ARMC3: variants seen among roughly 807,000 people sequenced by gnomAD.
The protein encoded by ARMC3 is armadillo repeat-containing protein 3.
Under a neutral mutation model 90.3 loss-of-function variants are expected in ARMC3, and 74 were observed. That is an observed-to-expected ratio of 0.82 (90% CI 0.68 to 0.99). The LOEUF is 0.99. Among genes scored for constraint, ARMC3 ranks in the 50% least tolerant of loss-of-function variants. The pLI is 0.00. For synonymous variants in ARMC3, 334 were observed against 361.8 expected, an observed-to-expected ratio of 0.92 and a Z score of 0.87; for missense variants, 958 against 1,042.8, an observed-to-expected ratio of 0.92 and a Z score of 1.12.
At chr10:22,962,484 G>A (rs1190147987) in intron 7 of ARMC3, among the ~76,000 whole-genome samples, 1 of 152,140 alleles carries the variant, frequency 6.6e-6, no homozygotes, top group Non-Finnish European at 1.5e-5. Flanking sequence ...GAATGTCTGT[G>A]CCTTCTGGGA....
Position 23,008,837 on chromosome 10 carries a change from G to C in ARMC3, c.1951G>C (p.Ala651Pro). Residue 651 changes from alanine to proline, a missense_variant, in exon 16 of 19, where the codon GCT becomes CCT. Coordinates refer to ENST00000298032, the MANE Select transcript of ARMC3 (RefSeq NM_173081.5). The stretch of plus-strand genomic sequence containing the variant: ...AAGAAAAAATAGTTATCATTTTAGT[G>C]CTGGATTTGGATCTCCCATAGAAGA... The part of the protein sequence containing the change: ...KNKKNSYHFS[A>P]GFGSPIEDKS... 6.2e-7 allele frequency: 1 copy of C among 1,612,660 alleles called. No individual in the cohort carries two copies. The highest frequency in any genetic ancestry group is 2.2e-5 in the East Asian group (1 of 44,832).
chr10:22,979,315 A>G (rs1491002185), intron 8 of ARMC3, among the ~76,000 whole-genome samples: 1 of 152,196 alleles, frequency 6.6e-6, no homozygotes, highest in Admixed American at 6.5e-5. Context: ...CAAGGAAAGT[A>G]TTTGGTTAAT....
chr10:23,013,112 T>G (rs1838097285), intron 16 of ARMC3, among the ~76,000 whole-genome samples: 1 of 152,078 alleles, frequency 6.6e-6, no homozygotes, highest in Non-Finnish European at 1.5e-5. Context: ...CTGGCCAGAG[T>G]GGTCTCAAAC....
intron 3 of ARMC3, chr10:22,946,680 A>G (rs1238634272): frequency 1.3e-5 from 2 of 152,812 alleles, no homozygotes; most frequent in African/African-American, 2.5e-5. Context: ...CAAATCTCCT[A>G]TGCAGAAGAA....
At chr10:22,960,132 AC>A in intron 6 of ARMC3, 1 of 249,492 alleles carries the variant, frequency 4.0e-6, no homozygotes. Context: ...TTGCACCCCA[AC>A]CCCCAGAATA....
chr10:23,033,028 G>A lies in ARMC3; in HGVS notation c.2409+5G>A. On this transcript the variant is annotated splice_donor_5th_base_variant and intron_variant, in intron 18 of 18. Transcript: ENST00000298032. ...CATCGAGCTTTGCTTTTCAAGGTGTGTAAGGTATTTTGCCTCATTTGCCAT... is the reference window on the plus strand; with the variant it reads ...CATCGAGCTTTGCTTTTCAAGGTGTATAAGGTATTTTGCCTCATTTGCCAT... The A allele has an allele frequency of 1.2e-6, 2 of 1,611,556 alleles. No individual in the cohort carries two copies. Among genetic ancestry groups the A allele is most frequent in the East Asian group, 2.2e-5 (1 of 44,742 alleles).
Position 23,003,382 on chromosome 10 carries a change from A to G in ARMC3, c.1699A>G (p.Ile567Val), listed in dbSNP as rs772157632. ...SQTGYLSSSN[I>V]INDGFYDYGR... is the part of the protein sequence containing the mutation. Reference sequence around the variant, plus strand: ...GACTGGCTATTTGTCATCAAGTAACATAATTAACGATGGATTCTATGATTA... The same window carrying G: ...GACTGGCTATTTGTCATCAAGTAACGTAATTAACGATGGATTCTATGATTA... The change falls in exon 13 of 19, where the codon ATA (isoleucine) becomes GTA (valine). Residue 567 changes from isoleucine to valine, a missense_variant. Transcript: ENST00000298032. 4 of 1,611,218 alleles carry G rather than the reference A, an allele frequency of 2.5e-6. No homozygotes were observed. Among genetic ancestry groups the G allele is most frequent in the East Asian group, 4.5e-5 (2 of 44,788 alleles).
chr10:23,000,893 G>C (rs557009457), intron 11 of ARMC3, among the ~76,000 whole-genome samples: 4 of 152,214 alleles, frequency 2.6e-5, no homozygotes, highest in Admixed American at 2.6e-4. Flanking sequence ...TTACATTTCA[G>C]ACATGAGACA....
intron 3 of ARMC3, among the ~76,000 whole-genome samples, chr10:22,953,917 A>G (rs929660952): frequency 1.3e-5 from 2 of 152,216 alleles, no homozygotes; most frequent in African/African-American, 4.8e-5. Flanking sequence ...GTAGGTGTAC[A>G]TCAACATTTT....
intron 7 of ARMC3, among the ~76,000 whole-genome samples, chr10:22,964,280 G>A (rs1835353625): frequency 1.3e-5 from 2 of 151,958 alleles, no homozygotes; most frequent in African/African-American, 4.8e-5. Flanking sequence ...TATGTATATG[G>A]ACTGAACACA....
rs372695223 is a variant in ARMC3, at chr10:23,014,218, G to A, written c.2045+5287G>A. The stretch of plus-strand genomic sequence containing the variant: ...CAACTGGGCCTTGGTCTTCTGAATT[G>A]TAAATGAAAATGATGATCCCTGCCT... On this transcript the variant is annotated intron_variant, in intron 16 of 18. Coordinates refer to ENST00000298032, the MANE Select transcript of ARMC3 (RefSeq NM_173081.5). 32 of 1,533,640 alleles carry A rather than the reference G, an allele frequency of 2.1e-5. No individual in the cohort carries two copies. In the East Asian group the frequency reaches 3.9e-4, roughly 19 times the overall value.
At chr10:23,001,828 C>CTA (rs201903174) in intron 11 of ARMC3, 91 bp from the exon 12 acceptor site, 31,389 of 1,410,542 alleles carry the variant, frequency 0.022, 482 homozygotes, top group Non-Finnish European at 0.027. Context: ...TAGTTAAAAC[C>CTA]TTTTAGCAAT....
intron 16 of ARMC3, among the ~76,000 whole-genome samples, chr10:23,025,890 G>T (rs1373539869): frequency 6.6e-6 from 1 of 151,990 alleles, no homozygotes; most frequent in Non-Finnish European, 1.5e-5. Context: ...CCAAGACCAG[G>T]AATGAAAGAA....
rs1206978039 is a variant in ARMC3 at position 22,955,903 on chromosome 10, C to T, written c.263C>T (p.Thr88Ile). 1.2e-6 allele frequency: 2 copies of T among 1,609,344 alleles called. No individual in the cohort carries two copies. The highest frequency in any genetic ancestry group is 1.3e-5 in the African/African-American group (1 of 74,818). ...HEDKIVRRNA[T>I]MIFGILASNN... ...GACAAAATTGTAAGAAGAAATGCTA[C>T]TATGATATTTGGAATCCTGGCTTCT... Residue 88 changes from threonine to isoleucine, a missense_variant, in exon 4 of 19, where the codon ACT becomes ATT. Coordinates refer to ENST00000298032, the MANE Select transcript of ARMC3 (RefSeq NM_173081.5).
intron 8 of ARMC3, among the ~76,000 whole-genome samples, chr10:22,976,458 C>T (rs148823514): frequency 1.8e-4 from 28 of 152,324 alleles, no homozygotes; most frequent in African/African-American, 6.5e-4. Context: ...ATCCACACTG[C>T]TGATTGCCCT....
intron 8 of ARMC3, among the ~76,000 whole-genome samples, chr10:22,978,459 C>G (rs745935311): frequency 4.0e-4 from 61 of 152,192 alleles, no homozygotes; most frequent in Non-Finnish European, 2.5e-4. Flanking sequence ...ATTATCACCA[C>G]CTGTTCCCTC....
At position 22,968,474 on chromosome 10, in the gene ARMC3, A is replaced by T; in HGVS notation, c.901A>T (p.Lys301Ter). Residue 301 changes from lysine (K) to a stop codon, truncating the protein, a stop_gained, in exon 8 of 19, where the codon AAA becomes TAA. Coordinates refer to ENST00000298032, the MANE Select transcript of ARMC3 (RefSeq NM_173081.5). LOFTEE classifies it high-confidence loss of function. ...IQKNAAKAIT[K>*]AAYDPENRKL... ...GAAGAATGCAGCAAAAGCCATTACTAAAGCAGCTTATGATCGTATGTCTCA... is the reference window on the plus strand; with the variant it reads ...GAAGAATGCAGCAAAAGCCATTACTTAAGCAGCTTATGATCGTATGTCTCA... 1 of 1,591,778 alleles carries T rather than the reference A, an allele frequency of 6.3e-7. No individual in the cohort carries two copies. Among genetic ancestry groups the T allele is most frequent in the Non-Finnish European group, 8.5e-7 (1 of 1,172,828 alleles).
chr10:22,976,384 C>G (rs533454077), intron 8 of ARMC3, among the ~76,000 whole-genome samples: 4 of 152,300 alleles, frequency 2.6e-5, no homozygotes, highest in African/African-American at 9.6e-5. Flanking sequence ...TTGACGTTGA[C>G]CTCTCAACTC....
At chr10:23,008,777 T>C (rs1837769356) in intron 15 of ARMC3, 38 bp from the exon 16 acceptor site, 1 of 1,512,104 alleles carries the variant, frequency 6.6e-7, no homozygotes, top group Non-Finnish European at 9.2e-7. Flanking sequence ...GTTTTCCATA[T>C]GATTGAAATT....
Sources: allele counts gnomAD v4.1 joint callset (sites outside exome capture counted in the v4.1 genomes callset), GRCh38; gene constraint gnomAD v4.1.1; transcripts MANE v1.5; gene names NCBI Gene and HGNC (gene_info 2026-07-23, HGNC 2026-07-21).